FAM81A: variants seen among roughly 807,000 people sequenced by gnomAD.
FAM81A encodes family with sequence similarity 81 member A, also known as protein FAM81A.
A neutral mutation model predicts 46.7 loss-of-function variants in FAM81A; 19 were observed. The ratio of observed to expected loss-of-function variants is 0.41; its 90% CI spans 0.28 to 0.60. The LOEUF is 0.60. Ranked by LOEUF, FAM81A falls within the 20% of genes least tolerant of loss-of-function variation. The probability of loss-of-function intolerance (pLI) is 0.34; values close to 1 mark genes in which losing one functional copy is unlikely to be tolerated. For synonymous variants in FAM81A, 183 were observed against 152.9 expected, an observed-to-expected ratio of 1.20 and a Z score of -1.45; for missense variants, 377 against 453.5, an observed-to-expected ratio of 0.83 and a Z score of 1.53.
chr15:59,417,970 G>A (rs528501332), intron 2 of FAM81A, among the ~76,000 whole-genome samples: 1 of 152,080 alleles, frequency 6.6e-6, no homozygotes, highest in South Asian at 2.1e-4. Context: ...CCCTTCCTGT[G>A]TCCAAGTGTT....
At chr15:59,444,589 T>C (rs1216827267) in intron 1 of FAM81A, among the ~76,000 whole-genome samples, 5 of 152,164 alleles carry the variant, frequency 3.3e-5, no homozygotes, top group Admixed American at 3.3e-4. Context: ...CTGGGAGACC[T>C]GGAGCCACCT....
At chr15:59,406,186 C>T (rs1480642713) in intron 2 of FAM81A, among the ~76,000 whole-genome samples, 1 of 152,150 alleles carries the variant, frequency 6.6e-6, no homozygotes, top group Admixed American at 6.5e-5. Context: ...GAATGACCTC[C>T]CCTCCCCAAG....
At chr15:59,413,022 GAGAGAAACC>G (rs2081129022) in intron 2 of FAM81A, among the ~76,000 whole-genome samples, 1 of 152,196 alleles carries the variant, frequency 6.6e-6, no homozygotes, top group Admixed American at 6.5e-5. Flanking sequence ...CAGATCAAGA[GAGAGAAACC>G]AGAATTTCAC....
At chr15:59,433,904 G>T (rs2081232023), upstream of FAM81A, among the ~76,000 whole-genome samples, 1 of 152,182 alleles carries the variant, frequency 6.6e-6, no homozygotes, top group African/African-American at 2.4e-5. Flanking sequence ...CACCCAGGCT[G>T]AAGTACAGTG....
At chr15:59,423,236 C>T (rs1482373870) in intron 2 of FAM81A, among the ~76,000 whole-genome samples, 2 of 152,118 alleles carry the variant, frequency 1.3e-5, no homozygotes, top group African/African-American at 2.4e-5. Context: ...CAGCTTGGGA[C>T]TACAGGCGCC....
Position 59,430,890 on chromosome 15 carries a change from ACT to A in FAM81A, c.-77-27657_-77-27656del, listed in dbSNP as rs375677708. On this transcript the variant is annotated intron_variant, in intron 2 of 4. Transcript: ENST00000558348. ...ATGAGTTAACCAGATTAATTAACAA[ACT>A]CTGTCTCCCTGTGTAGGACATAATA... 1.1e-3 allele frequency among the ~76,000 whole-genome samples: 166 copies of A among 152,296 alleles called. 1 individual carries two copies. In the South Asian group the frequency reaches 0.028, roughly 25 times the overall value.
intron 3 of FAM81A, among the ~76,000 whole-genome samples, chr15:59,476,439 G>C (rs1391610930): frequency 6.6e-6 from 1 of 152,034 alleles, no homozygotes; most frequent in Non-Finnish European, 1.5e-5. Flanking sequence ...CAATGATGTA[G>C]AGTAAATTTA....
In FAM81A at chr15:59,460,596, C is replaced by G. The variant is rs2081540439; in HGVS notation, c.294+390C>G. The G allele has an allele frequency of 2.9e-6, 1 of 344,270 alleles. No individual in the cohort carries two copies. The highest frequency in any genetic ancestry group is 5.6e-6 in the Non-Finnish European group (1 of 178,180). The allele number at this position is 344,270 out of a possible 1,614,324, so 21.3% of individuals were successfully genotyped here. A position where few individuals can be genotyped will look rare whatever the true frequency, so the allele number is the denominator to read the frequency against. On this transcript the variant is annotated intron_variant, in intron 3 of 8. Transcript: ENST00000288228. The surrounding 1 kb of genome is among the most constrained non-coding windows in gnomAD (Gnocchi z 4.4). Reference sequence around the variant, plus strand: ...CTCTGTTGCTTCAGATTAAATGTTTCTAGGTCATAATGATTATATGTAATA... The same window carrying G: ...CTCTGTTGCTTCAGATTAAATGTTTGTAGGTCATAATGATTATATGTAATA...
chr15:59,474,513 C>T (rs1348441174), intron 3 of FAM81A, among the ~76,000 whole-genome samples: 1 of 152,126 alleles, frequency 6.6e-6, no homozygotes, highest in African/African-American at 2.4e-5. Context: ...TTTATAAGGG[C>T]CCCAGTCCAT....
At chr15:59,421,113 C>T (rs1567038927) in intron 2 of FAM81A, among the ~76,000 whole-genome samples, 1 of 152,212 alleles carries the variant, frequency 6.6e-6, no homozygotes, top group African/African-American at 2.4e-5. Context: ...TACGAATCAG[C>T]AGGAGGTCTT....
chr15:59,452,850 C>A (rs182704507), intron 1 of FAM81A, among the ~76,000 whole-genome samples: 43 of 152,290 alleles, frequency 2.8e-4, no homozygotes, highest in Admixed American at 2.6e-3. Flanking sequence ...CAGCTTCCAA[C>A]TTACCAGGCT....
chr15:59,420,010 A>G (rs2081164015), intron 2 of FAM81A, among the ~76,000 whole-genome samples: 1 of 152,198 alleles, frequency 6.6e-6, no homozygotes, highest in Non-Finnish European at 1.5e-5. Context: ...TCCCTAGCCC[A>G]GAGCTGGACT....
At chr15:59,448,231 G>A (rs1353807913) in intron 1 of FAM81A, among the ~76,000 whole-genome samples, 2 of 152,122 alleles carry the variant, frequency 1.3e-5, no homozygotes, top group African/African-American at 4.8e-5. Flanking sequence ...ACAAAAATTA[G>A]CTGTGTGTGG....
chr15:59,458,223 G>A (rs184086415), intron 1 of FAM81A, among the ~76,000 whole-genome samples: 432 of 152,292 alleles, frequency 2.8e-3, no homozygotes, highest in Admixed American at 4.6e-3. Flanking sequence ...AAACACTCTA[G>A]TTTCTGTTAA....
chr15:59,513,329 A>T (rs961810068), intron 6 of FAM81A, among the ~76,000 whole-genome samples: 38 of 152,232 alleles, frequency 2.5e-4, no homozygotes, highest in African/African-American at 8.9e-4. Flanking sequence ...AAAAGGGACT[A>T]GGAGGAAGAG....
At chr15:59,463,167 T>C (rs550178194) in intron 3 of FAM81A, among the ~76,000 whole-genome samples, 103 of 152,346 alleles carry the variant, frequency 6.8e-4, no homozygotes, top group African/African-American at 2.2e-3. Context: ...CTGTGAACCA[T>C]TTTGAGGTAA....
chr15:59,491,603 C>G (rs1192206233), intron 3 of FAM81A, among the ~76,000 whole-genome samples: 1 of 152,102 alleles, frequency 6.6e-6, no homozygotes. Flanking sequence ...ACAGTAAATA[C>G]TTGAGGTGAG....
upstream of FAM81A, among the ~76,000 whole-genome samples, chr15:59,436,177 G>A (rs2081242104): frequency 6.6e-6 from 1 of 152,164 alleles, no homozygotes; most frequent in South Asian, 2.1e-4. Flanking sequence ...CCTACATATG[G>A]CAAGAGCCCC....
At chr15:59,498,434 A>C (rs2082056665) in intron 4 of FAM81A, among the ~76,000 whole-genome samples, 1 of 152,182 alleles carries the variant, frequency 6.6e-6, no homozygotes, top group Non-Finnish European at 1.5e-5. Context: ...GGATGTTTAA[A>C]AGGATTTTCT....
Sources: gnomAD v4.1 joint callset for allele counts (sites outside exome capture counted in the v4.1 genomes callset) on GRCh38, gnomAD v4.1.1 for gene constraint, Gnocchi (gnomAD v3.1) non-coding constraint, MANE v1.5 for transcripts, NCBI Gene and HGNC (gene_info 2026-07-23, HGNC 2026-07-21) for gene names.